FA2H: variants seen among roughly 807,000 people sequenced by gnomAD.
FA2H encodes the protein fatty acid 2-hydroxylase, also known as fatty acid alpha-hydroxylase.
FA2H carries 22 observed loss-of-function variants against 44.9 expected under a neutral mutation model. The ratio of observed to expected loss-of-function variants is 0.49; its 90% CI spans 0.35 to 0.70. FA2H has a LOEUF of 0.70. FA2H is among the 30% of genes least tolerant of loss of function. The pLI is 0.01. For missense variants in FA2H, 501 were observed against 504.9 expected, an observed-to-expected ratio of 0.99 and a Z score of 0.07; for synonymous variants, 243 against 213.2, an observed-to-expected ratio of 1.14 and a Z score of -1.22.
rs1961696243 is a variant in FA2H at position 74,716,333 on chromosome 16, A to G, written c.1039+14T>C. Reference sequence around the variant, plus strand: ...ACACACATAGGGGGCTGGGAAGCACAGGCCCATCCTCACCTGACTTCTGAT... The same window carrying G: ...ACACACATAGGGGGCTGGGAAGCACGGGCCCATCCTCACCTGACTTCTGAT... On this transcript the variant is annotated intron_variant, in intron 6 of 6. Transcript: ENST00000219368. 6.2e-7 allele frequency: 1 copy of G among 1,612,790 alleles called. No individual in the cohort carries two copies. The highest frequency in any genetic ancestry group is 1.1e-5 in the South Asian group (1 of 91,036).
chr16:74,719,312 C>A, intron 4 of FA2H, 152 bp from the exon 5 acceptor site: 1 of 680,274 alleles, frequency 1.5e-6, no homozygotes. Flanking sequence ...GTCCTTGAGT[C>A]AAAATGGGAA....
At chr16:74,715,935 C>G (rs1961685252) in intron 6 of FA2H, among the ~76,000 whole-genome samples, 1 of 151,968 alleles carries the variant, frequency 6.6e-6, no homozygotes, top group African/African-American at 2.4e-5. Flanking sequence ...CATGCCTCAG[C>G]CTCCCAAGTA....
At position 74,731,997 on chromosome 16, in the gene FA2H, C is replaced by T. The variant is rs559481008; in HGVS notation, c.364-4611G>A. On this transcript the variant is annotated intron_variant, in intron 2 of 6. Transcript: ENST00000219368. The stretch of plus-strand genomic sequence containing the variant: ...AAGCAATTCTCCCACCTCAGCTTCC[C>T]GAGTAGCTGGGACTATAGGCTCACG... Among the ~76,000 whole-genome samples the T allele has an allele frequency of 2.6e-5, 4 of 152,108 alleles. No homozygotes were observed. In the South Asian group the frequency reaches 6.2e-4, roughly 24 times the overall value.
In FA2H at chr16:74,774,530, A is replaced by C. The variant is rs1962972559; in HGVS notation, c.226T>G (p.Trp76Gly). 4.5e-6 allele frequency: 7 copies of C among 1,545,962 alleles called. No homozygotes were observed. Among genetic ancestry groups the C allele is most frequent in the Non-Finnish European group, 6.1e-6 (7 of 1,155,640 alleles). Reference protein sequence around the residue: ...PHRHSANARRWLEQYYVGELR... With the variant: ...PHRHSANARRGLEQYYVGELR... ...TCTCCCACGTAGTACTGCTCCAGCC[A>C]GCGGCGCGCGTTGGCCGAGTGCCTG... is the stretch of plus-strand genomic sequence containing the variant. Residue 76 changes from tryptophan to glycine, a missense_variant, in exon 1 of 7, where the codon TGG becomes GGG. By Grantham distance (184) the Trp-to-Gly change is radical. Transcript: ENST00000219368.
At chr16:74,718,937 C>A in intron 5 of FA2H, 51 bp downstream of exon 5, 1 of 1,602,578 alleles carries the variant, frequency 6.2e-7, no homozygotes, top group Non-Finnish European at 8.5e-7. Context: ...GGCTGCCGGG[C>A]CCTCTCGGGC....
chr16:74,754,620 T>C (rs1300573251), intron 1 of FA2H, among the ~76,000 whole-genome samples: 1 of 151,998 alleles, frequency 6.6e-6, no homozygotes, highest in Admixed American at 6.6e-5. Flanking sequence ...CTCTGACTCC[T>C]GGGCTCAAGT....
At chr16:74,772,896 T>C (rs2144670530) in intron 1 of FA2H, among the ~76,000 whole-genome samples, 1 of 152,290 alleles carries the variant, frequency 6.6e-6, no homozygotes, top group South Asian at 2.1e-4. Flanking sequence ...ATCTTTTTTT[T>C]TTTGAGGTGA....
At chr16:74,760,700 TCTC>T (rs1182841830) in intron 1 of FA2H, among the ~76,000 whole-genome samples, 2 of 152,172 alleles carry the variant, frequency 1.3e-5, no homozygotes, top group Admixed American at 6.5e-5. Context: ...TAAGGATCCT[TCTC>T]CTTCTGTCTT....
chr16:74,746,475 TG>T (rs1962427780), intron 1 of FA2H, among the ~76,000 whole-genome samples: 1 of 151,860 alleles, frequency 6.6e-6, no homozygotes, highest in African/African-American at 2.4e-5. Flanking sequence ...CCTCCTACCT[TG>T]GCTTCCTAAG....
chr16:74,719,480 T>C (rs997484818), intron 4 of FA2H, among the ~76,000 whole-genome samples: 4 of 151,988 alleles, frequency 2.6e-5, no homozygotes, highest in African/African-American at 9.7e-5. Flanking sequence ...CCCAAGGACA[T>C]TGGAGAAGAG....
chr16:74,752,889 T>C (rs1244983295), intron 1 of FA2H, among the ~76,000 whole-genome samples: 1 of 152,166 alleles, frequency 6.6e-6, no homozygotes, highest in Non-Finnish European at 1.5e-5. Flanking sequence ...CAGATCTCCC[T>C]GGCCAGGCCT....
intron 3 of FA2H, among the ~76,000 whole-genome samples, chr16:74,726,578 G>A (rs1377174640): frequency 6.6e-6 from 1 of 152,174 alleles, no homozygotes; most frequent in African/African-American, 2.4e-5. Flanking sequence ...AGTAGAGATG[G>A]GGTTTCACCA....
intron 1 of FA2H, among the ~76,000 whole-genome samples, chr16:74,750,998 G>T (rs1419136072): frequency 6.6e-6 from 1 of 152,024 alleles, no homozygotes; most frequent in Non-Finnish European, 1.5e-5. Flanking sequence ...GCCCAGGCTG[G>T]TCTCAAACTC....
chr16:74,755,739 A>C (rs999105286), intron 1 of FA2H, among the ~76,000 whole-genome samples: 2 of 152,116 alleles, frequency 1.3e-5, no homozygotes, highest in African/African-American at 4.8e-5. Context: ...TTTTCTTTCC[A>C]AAGCAGTCTT....
chr16:74,758,993 A>G (rs1218113009), intron 1 of FA2H, among the ~76,000 whole-genome samples: 3 of 152,180 alleles, frequency 2.0e-5, no homozygotes, highest in Non-Finnish European at 4.4e-5. Context: ...GCTCTGCACT[A>G]AAGTTCATGA....
rs1263931890 is a variant in FA2H at position 74,716,565 on chromosome 16, G to A, written c.821C>T (p.Pro274Leu). 1.3e-6 allele frequency: 2 copies of A among 1,596,694 alleles called. No homozygotes were observed. Among genetic ancestry groups the A allele is most frequent in the South Asian group, 1.1e-5 (1 of 89,294 alleles). Residue 274 changes from proline to leucine, a missense_variant, in exon 6 of 7, where the codon CCT becomes CTT. Coordinates refer to ENST00000219368, the MANE Select transcript of FA2H (RefSeq NM_024306.5). ...GCCGATCACCAGGGAGGCTGGCACA[G>A]GGGGGAAGACCAGGCGGGAGCCGTC... ...PFDGSRLVFP[P>L]VPASLVIGVF...
intron 1 of FA2H, among the ~76,000 whole-genome samples, chr16:74,741,808 A>ATATATATATATGTGTGTGTG (rs1491185782): frequency 8.3e-5 from 4 of 48,410 alleles, no homozygotes; most frequent in African/African-American, 4.3e-4. Flanking sequence ...ATATATATAT[A>ATATATATATATGTGTGTGTG]TGTGTGTGTG....
chr16:74,760,599 C>G (rs113255408), intron 1 of FA2H, among the ~76,000 whole-genome samples: 4 of 144,398 alleles, frequency 2.8e-5, no homozygotes, highest in Admixed American at 1.4e-4. Context: ...CCTGCTCCCC[C>G]CAGGAAATCC....
chr16:74,721,616 C>T lies in FA2H; in HGVS notation c.614-2456G>A, dbSNP rs892241494. Among the ~76,000 whole-genome samples, 7 of 152,168 alleles carry T rather than the reference C, an allele frequency of 4.6e-5. No homozygotes were observed. The East Asian group carries it at 1.3e-3, about 29-fold the overall frequency. On this transcript the variant is annotated intron_variant, in intron 4 of 6. Coordinates refer to ENST00000219368, the MANE Select transcript of FA2H (RefSeq NM_024306.5). ...ACAGCTGTGGGTCTGGCACCTTTAA[C>T]CTCTGCAAGACCCTAGACACAGCCT...
Sources: allele counts gnomAD v4.1 joint callset (sites outside exome capture counted in the v4.1 genomes callset), GRCh38; gene constraint gnomAD v4.1.1; transcripts MANE v1.5; gene names NCBI Gene and HGNC (gene_info 2026-07-23, HGNC 2026-07-21).